CCT8: variants seen among roughly 807,000 people sequenced by gnomAD.
CCT8 encodes the protein chaperonin containing TCP1 subunit 8.
A neutral mutation model predicts 65.7 loss-of-function variants in CCT8; 10 were observed. The ratio of observed to expected loss-of-function variants is 0.15; its 90% CI spans 0.09 to 0.26. CCT8 has a LOEUF of 0.26. Among genes scored for constraint, CCT8 ranks in the 10% least tolerant of loss-of-function variants. The pLI is 1.00. For synonymous variants in CCT8, 199 were observed against 221.8 expected, an observed-to-expected ratio of 0.90 and a Z score of 0.92; for missense variants, 568 against 669.1, an observed-to-expected ratio of 0.85 and a Z score of 1.67.
At position 29,073,626 on chromosome 21, in the gene CCT8, G is replaced by C. The variant is rs981222086; in HGVS notation, c.-36C>G. The C allele has an allele frequency of 1.1e-5, 18 of 1,600,940 alleles. No homozygotes were observed. The highest frequency in any genetic ancestry group is 4.0e-5 in the African/African-American group (3 of 74,648). ...CAGGAAGCAGTTCACGCGACCGCTC[G>C]GAAGACCGCGGAGGAAGCGAGGAGC... is the stretch of plus-strand genomic sequence containing the variant. On this transcript the variant is annotated 5_prime_UTR_variant, in exon 1 of 15. Coordinates refer to ENST00000286788, the MANE Select transcript of CCT8 (RefSeq NM_006585.4).
chr21:29,067,691 A>G lies in CCT8; in HGVS notation c.246T>C (p.Ala82=), dbSNP rs144738117. Residue 82 remains alanine, a synonymous_variant, in exon 4 of 15, where the codon GCT becomes GCC. Transcript: ENST00000286788. ...GAGAAGCCATTACAATCATTTTTGC[A>G]GCAGGATGCTGTACCTAGTAGAAAA... ...ILRELEVQHP[A]AKMIVMASHM... 1.5e-5 allele frequency: 20 copies of G among 1,371,062 alleles called. No homozygotes were observed. Among genetic ancestry groups the G allele is most frequent in the Non-Finnish European group, 1.8e-5 (19 of 1,055,834 alleles). The allele number at this position is 1,371,062 out of a possible 1,614,324, so 84.9% of individuals were successfully genotyped here. A position where few individuals can be genotyped will look rare whatever the true frequency, so the allele number is the denominator to read the frequency against.
chr21:29,064,283 T>G (rs2085595584), intron 7 of CCT8, among the ~76,000 whole-genome samples: 1 of 151,516 alleles, frequency 6.6e-6, no homozygotes, highest in African/African-American at 2.4e-5. Context: ...CTGGCCAACA[T>G]GGTGAAACTT....
Position 29,063,549 on chromosome 21 carries a change from A to G in CCT8, c.763-19T>C, listed in dbSNP as rs1418994615. On this transcript the variant is annotated intron_variant, in intron 7 of 14. Transcript: ENST00000286788. ...CTGTTCCCTGGCAAAACAAGTAAAC[A>G]TTCCCTTTAAAATCATTTCACTACG... 1.9e-6 allele frequency: 3 copies of G among 1,609,132 alleles called. No homozygotes were observed. Among genetic ancestry groups the G allele is most frequent in the African/African-American group, 1.3e-5 (1 of 74,944 alleles).
rs1239123516 is a variant in CCT8, at chr21:29,062,349, G to T, written c.1075C>A (p.Gln359Lys). ...ATACCATGCTTAAAAACCACCACCT[G>T]AGTATCTCCAACTTCTGAGAGGTAA... ...SVYLSEVGDT[Q>K]VVVFKHEKED... Residue 359 changes from glutamine to lysine, a missense_variant, in exon 10 of 15, where the codon CAG becomes AAG. Coordinates refer to ENST00000286788, the MANE Select transcript of CCT8 (RefSeq NM_006585.4). 6.2e-7 allele frequency: 1 copy of T among 1,613,480 alleles called. No homozygotes were observed. Among genetic ancestry groups the T allele is most frequent in the East Asian group, 2.2e-5 (1 of 44,882 alleles).
chr21:29,070,391 AAAATT>A, intron 1 of CCT8, 54 bp from the exon 2 acceptor site: 1 of 1,081,958 alleles, frequency 9.2e-7, no homozygotes, highest in African/African-American at 1.6e-5. Context: ...CAGTGAAACA[AAAATT>A]TCAAATACAA....
Position 29,067,040 on chromosome 21 carries a change from T to C in CCT8, c.413A>G (p.Lys138Arg). Residue 138 changes from lysine to arginine, a missense_variant, in exon 5 of 15, where the codon AAA becomes AGA. Coordinates refer to ENST00000286788, the MANE Select transcript of CCT8 (RefSeq NM_006585.4). ...CAAATTAGGAAGAATCTCATGAGCT[T>C]TTCTGCAGGCTATTTCATAACCTTC... is the stretch of plus-strand genomic sequence containing the variant. ...VIEGYEIACR[K>R]AHEILPNLVC... 1 of 1,612,532 alleles carries C rather than the reference T, an allele frequency of 6.2e-7. No individual in the cohort carries two copies. Among genetic ancestry groups the C allele is most frequent in the Non-Finnish European group, 8.5e-7 (1 of 1,179,200 alleles).
intron 14 of CCT8, chr21:29,059,995 TTTAA>T (rs1484576382): frequency 6.6e-6 from 1 of 152,080 alleles, no homozygotes; most frequent in East Asian, 1.9e-4. Context: ...GGGAAATGTA[TTTAA>T]TTAAGTTTGC....
In CCT8 at chr21:29,070,291, C is replaced by G; in HGVS notation, c.107G>C (p.Cys36Ser). Residue 36 changes from cysteine (C) to serine (S), a missense_variant, in exon 2 of 15, where the codon TGC becomes TCC. Coordinates refer to ENST00000286788, the MANE Select transcript of CCT8 (RefSeq NM_006585.4). ...ACGAGTGGTTTGGGCAAGCTCCTTG[C>G]AAGCTTGTATGTTTCTATACACAGC... ...EEAVYRNIQACKELAQTTRTA... is the reference protein window; with the variant it reads ...EEAVYRNIQASKELAQTTRTA... 6.2e-7 allele frequency: 1 copy of G among 1,612,388 alleles called. No homozygotes were observed. Among genetic ancestry groups the G allele is most frequent in the Non-Finnish European group, 8.5e-7 (1 of 1,179,174 alleles).
At chr21:29,068,927 T>C (rs898642213) in intron 3 of CCT8, among the ~76,000 whole-genome samples, 5 of 152,242 alleles carry the variant, frequency 3.3e-5, no homozygotes, top group African/African-American at 1.2e-4. Context: ...GGAATGGCTC[T>C]CTCTGCCTGT....
Position 29,062,136 on chromosome 21 carries a change from G to A in CCT8, c.1204C>T (p.Leu402Phe). ...ATATTGCTGATACTGACCCTTGTAA[G>A]AACTTTGAAAGTATTAACACCATCG... ...VDDGVNTFKV[L>F]TRDKRLVPGG... Residue 402 changes from leucine to phenylalanine, a missense_variant, in exon 11 of 15, where the codon CTT (leucine) becomes TTT (phenylalanine). By Grantham distance (22) the Leu-to-Phe change is conservative. Coordinates refer to ENST00000286788, the MANE Select transcript of CCT8 (RefSeq NM_006585.4). 1.2e-6 allele frequency: 2 copies of A among 1,603,580 alleles called. No individual in the cohort carries two copies. Among genetic ancestry groups the A allele is most frequent in the South Asian group, 1.1e-5 (1 of 90,806 alleles).
At chr21:29,071,913 C>T (rs755975805) in intron 1 of CCT8, 3 of 701,304 alleles carry the variant, frequency 4.3e-6, no homozygotes, top group South Asian at 3.0e-5. Flanking sequence ...CAAGGCCCTA[C>T]GTATCCCGGC....
At chr21:29,068,852 G>A (rs1006397013) in intron 3 of CCT8, among the ~76,000 whole-genome samples, 1 of 152,130 alleles carries the variant, frequency 6.6e-6, no homozygotes, top group Non-Finnish European at 1.5e-5. Context: ...TGCTTTCAAG[G>A]GCTAAGCTTC....
intron 3 of CCT8, among the ~76,000 whole-genome samples, chr21:29,067,936 C>G (rs1006557208): frequency 2.0e-5 from 3 of 152,168 alleles, no homozygotes; most frequent in African/African-American, 7.2e-5. Flanking sequence ...AAAGTGCATC[C>G]TCTTTTGGTG....
rs116212976 is a variant in CCT8, at chr21:29,061,006, A to G, written c.1449+247T>C. Among the ~76,000 whole-genome samples the G allele has an allele frequency of 1.8e-3, 274 of 152,298 alleles. 2 individuals carry two copies. The highest frequency in any genetic ancestry group is 6.2e-3 in the African/African-American group (256 of 41,562). ...TCTTTAGTTTTTCCAAATATTTTCA[A>G]TCTGTGGTTGGTTGAATCAATGGAT... On this transcript the variant is annotated intron_variant, in intron 13 of 14. Transcript: ENST00000286788.
Position 29,062,227 on chromosome 21 carries a change from G to A in CCT8, c.1113C>T (p.Ala371=), listed in dbSNP as rs767389625. The stretch of plus-strand genomic sequence containing the variant: ...AGCCTCGAAGTACTATGGTAGAAAT[G>A]GCGCCATCTTCCTTTTCTATCAAAA... ...VVFKHEKEDG[A]ISTIVLRGST... is the part of the protein sequence containing the mutation. Residue 371 remains alanine, a synonymous_variant, in exon 11 of 15, where the codon GCC becomes GCT. Coordinates refer to ENST00000286788, the MANE Select transcript of CCT8 (RefSeq NM_006585.4). The A allele has an allele frequency of 1.4e-5, 22 of 1,613,590 alleles. No homozygotes were observed. In the South Asian group the frequency reaches 2.2e-4, roughly 16 times the overall value.
Position 29,062,425 on chromosome 21 carries a change from AG to A in CCT8, c.1009-11del, listed in dbSNP as rs2085574409. ...CAAGGACAGGAGGTGTCTGTAAGAA[AG>A]TGACTGTTGTAATAAAAATTCCATC... On this transcript the variant is annotated splice_polypyrimidine_tract_variant and intron_variant, in intron 9 of 14. Coordinates refer to ENST00000286788, the MANE Select transcript of CCT8 (RefSeq NM_006585.4). 1 of 1,612,780 alleles carries A rather than the reference AG, an allele frequency of 6.2e-7. No individual in the cohort carries two copies. The highest frequency in any genetic ancestry group is 1.3e-5 in the African/African-American group (1 of 74,906).
At chr21:29,070,385 G>T in intron 1 of CCT8, 48 bp from the exon 2 acceptor site, 1 of 1,197,118 alleles carries the variant, frequency 8.4e-7, no homozygotes, top group Non-Finnish European at 1.2e-6. Flanking sequence ...ACAGGACAGT[G>T]AAACAAAAAT....
intron 1 of CCT8, chr21:29,072,010 T>TA (rs58699995): frequency 0.15 from 88,071 of 592,792 alleles, 4,274 homozygotes; most frequent in African/African-American, 0.32. Context: ...GTTGTTGTTT[T>TA]AAAAAAAAAA....
intron 7 of CCT8, among the ~76,000 whole-genome samples, chr21:29,064,479 C>G (rs529392242): frequency 1.3e-4 from 19 of 145,866 alleles, no homozygotes; most frequent in Non-Finnish European, 2.6e-4. Context: ...AATGACCAGA[C>G]CCCCCTCATG....
Sources: allele counts gnomAD v4.1 joint callset (sites outside exome capture counted in the v4.1 genomes callset), GRCh38; gene constraint gnomAD v4.1.1; transcripts MANE v1.5; gene names NCBI Gene and HGNC (gene_info 2026-07-23, HGNC 2026-07-21).